The following OIT3 variants were observed in gnomAD, a reference collection of about 807,000 sequenced individuals.
OIT3 encodes oncoprotein induced transcript 3.
Under a neutral mutation model 52.2 loss-of-function variants are expected in OIT3, and 41 were observed. The ratio of observed to expected loss-of-function variants is 0.79; its 90% CI spans 0.61 to 1.02. The LOEUF is 1.02. Ranked by LOEUF, OIT3 falls within the 50% of genes least tolerant of loss-of-function variation. OIT3 has a pLI of 0.00. For synonymous variants in OIT3, 244 were observed against 276.9 expected, an observed-to-expected ratio of 0.88 and a Z score of 1.18; for missense variants, 634 against 715.5, an observed-to-expected ratio of 0.89 and a Z score of 1.30.
intron 6 of OIT3, chr10:72,918,505 G>T: frequency 1.4e-6 from 2 of 1,399,284 alleles, no homozygotes; most frequent in Non-Finnish European, 1.0e-6. Context: ...GCCTCAGGAG[G>T]CTCATGTCCA....
At chr10:72,915,511 T>C (rs1264639505) in intron 6 of OIT3, among the ~76,000 whole-genome samples, 1 of 152,222 alleles carries the variant, frequency 6.6e-6, no homozygotes, top group Non-Finnish European at 1.5e-5. Flanking sequence ...GTTCTGTGTG[T>C]GTTTCTGTTT....
chr10:72,900,294 A>AC (rs1271966429), intron 2 of OIT3, 83 bp from the exon 3 acceptor site: 8 of 421,164 alleles, frequency 1.9e-5, no homozygotes, highest in Non-Finnish European at 2.7e-5. Flanking sequence ...ACCCCCCCCG[A>AC]CCCCCCGCAC....
intron 4 of OIT3, among the ~76,000 whole-genome samples, chr10:72,911,246 T>C (rs1047674275): frequency 6.6e-6 from 1 of 152,156 alleles, no homozygotes; most frequent in African/African-American, 2.4e-5. Flanking sequence ...GTCCTAAATA[T>C]TTGAGGAGAG....
rs375118285 is a variant in OIT3 at position 72,898,912 on chromosome 10, G to T, written c.310G>T (p.Ala104Ser). 5 of 1,614,092 alleles carry T rather than the reference G, an allele frequency of 3.1e-6. No individual in the cohort carries two copies. The highest frequency in any genetic ancestry group is 4.2e-6 in the Non-Finnish European group (5 of 1,180,052). ...LEGDGIVQRQ[A>S]CASFNGNCCL... ...AGGCGACGGCATTGTGCAACGCCAG[G>T]CTTGTGCCAGCTTCAATGGGAACTG... is the stretch of plus-strand genomic sequence containing the variant. The change falls in exon 2 of 9, where the codon GCT (alanine) becomes TCT (serine). Residue 104 changes from alanine (A) to serine (S), a missense_variant. By Grantham distance (99) the Ala-to-Ser change is moderately conservative. Transcript: ENST00000334011.
rs141400923 is a variant in OIT3 at position 72,899,242 on chromosome 10, C to G, written c.436+204C>G. Among the ~76,000 whole-genome samples, 479 of 152,298 alleles carry G rather than the reference C, an allele frequency of 3.1e-3. 3 individuals are homozygous for G. Among genetic ancestry groups the G allele is most frequent in the African/African-American group, 0.011 (454 of 41,550 alleles). On this transcript the variant is annotated intron_variant, in intron 2 of 8. Transcript: ENST00000334011. ...CTGAAGAAATAGAAGGGGAAAGGAG[C>G]TATGACTTTGATCAGTTCTTTTTAA...
At chr10:72,917,438 G>A (rs917199392) in intron 6 of OIT3, among the ~76,000 whole-genome samples, 2 of 152,000 alleles carry the variant, frequency 1.3e-5, no homozygotes, top group Admixed American at 6.6e-5. Flanking sequence ...TTAAACCAAA[G>A]CAAAGGGTGG....
rs1272127679 is a variant in OIT3 at position 72,913,293 on chromosome 10, C to T, written c.791-15C>T. On this transcript the variant is annotated splice_polypyrimidine_tract_variant and intron_variant, in intron 5 of 8. Transcript: ENST00000334011. ...CAGGTTTCCTGGCTCTAACAGTGGC[C>T]CTTTTTCTCTGCAGTCCCTGTGTTG... 9 of 1,562,826 alleles carry T rather than the reference C, an allele frequency of 5.8e-6. No homozygotes were observed. The South Asian group carries it at 1.0e-4, about 18-fold the overall frequency.
At chr10:72,895,724 T>C (rs1037652307) in intron 1 of OIT3, among the ~76,000 whole-genome samples, 4 of 152,160 alleles carry the variant, frequency 2.6e-5, no homozygotes, top group Admixed American at 2.6e-4. Context: ...CATGGTTCCC[T>C]GCCCTTGGCC....
intron 5 of OIT3, among the ~76,000 whole-genome samples, chr10:72,912,560 C>T (rs1005690927): frequency 6.6e-5 from 10 of 152,078 alleles, no homozygotes; most frequent in African/African-American, 1.7e-4. Context: ...CATAAGCCAT[C>T]GCACCTGGCC....
intron 1 of OIT3, 97 bp from the exon 2 acceptor site, chr10:72,898,567 A>G (rs774865331): frequency 4.0e-5 from 48 of 1,195,276 alleles, no homozygotes; most frequent in Non-Finnish European, 5.5e-5. Flanking sequence ...CTGGAATTCA[A>G]AAATGTCCAA....
intron 4 of OIT3, among the ~76,000 whole-genome samples, chr10:72,909,944 C>A (rs1022608110): frequency 1.3e-5 from 2 of 152,116 alleles, no homozygotes; most frequent in Non-Finnish European, 2.9e-5. Context: ...CCGCGCCTGA[C>A]CTGTTTTGTT....
chr10:72,908,161 T>G (rs1845997039), intron 4 of OIT3, among the ~76,000 whole-genome samples: 1 of 152,110 alleles, frequency 6.6e-6, no homozygotes, highest in African/African-American at 2.4e-5. Flanking sequence ...AAGAATCACT[T>G]GAACCTGGGA....
At chr10:72,894,089 A>G (rs1418605440) in intron 1 of OIT3, among the ~76,000 whole-genome samples, 1 of 152,158 alleles carries the variant, frequency 6.6e-6, no homozygotes, top group East Asian at 1.9e-4. Context: ...CATATCCCAC[A>G]GCTTTCACTA....
chr10:72,922,369 G>A (rs541414158), intron 6 of OIT3, among the ~76,000 whole-genome samples: 1 of 152,088 alleles, frequency 6.6e-6, no homozygotes, highest in East Asian at 1.9e-4. Flanking sequence ...CGGAGGTTTT[G>A]TTCATTCCTT....
chr10:72,922,974 C>T (rs1828177666), intron 6 of OIT3, among the ~76,000 whole-genome samples: 1 of 152,174 alleles, frequency 6.6e-6, no homozygotes, highest in Non-Finnish European at 1.5e-5. Context: ...CTCCTGCATT[C>T]AAGTGATTCT....
At chr10:72,929,526 TCAGCCTCCTGA>T (rs1213911721) in intron 7 of OIT3, among the ~76,000 whole-genome samples, 1 of 151,678 alleles carries the variant, frequency 6.6e-6, no homozygotes, top group Non-Finnish European at 1.5e-5. Context: ...TCATCGTGCC[TCAGCCTCCTGA>T]GTAGCTGGGA....
chr10:72,932,371 C>T lies in OIT3; in HGVS notation c.1485C>T (p.Cys495=), dbSNP rs1564598197. Residue 495 remains cysteine (C), a synonymous_variant, in exon 9 of 9, where the codon TGC becomes TGT. Transcript: ENST00000334011. The part of the protein sequence containing the change: ...GKDHKEVFLH[C]RVLVCGVLDE... ...CTCTTCAGGAAGTGTTTCTGCACTG[C>T]CGGGTTCTTGTCTGTGGAGTGTTGG... 1 of 1,614,190 alleles carries T rather than the reference C, an allele frequency of 6.2e-7. No homozygotes were observed. Among genetic ancestry groups the T allele is most frequent in the Non-Finnish European group, 8.5e-7 (1 of 1,180,014 alleles).
Position 72,932,608 on chromosome 10 carries a change from C to A in OIT3, c.*84C>A. On this transcript the variant is annotated 3_prime_UTR_variant, in exon 9 of 9. Transcript: ENST00000334011. ...CCCACCGCCCTCTAAGAACATCTGC[C>A]AACAGCTGGGTTCAGACTTCACACT... The A allele has an allele frequency of 7.7e-7, 1 of 1,292,568 alleles. No homozygotes were observed. Among genetic ancestry groups the A allele is most frequent in the Non-Finnish European group, 1.1e-6 (1 of 941,578 alleles). 80.1% of individuals were successfully genotyped at this position (1,292,568 alleles called of 1,614,324 possible).
At chr10:72,899,296 A>G (rs557197495) in intron 2 of OIT3, among the ~76,000 whole-genome samples, 40 of 152,266 alleles carry the variant, frequency 2.6e-4, no homozygotes, top group Admixed American at 2.3e-3. Context: ...CAAACAAAAC[A>G]TTAGAAAATG....
Sources: gnomAD v4.1 joint callset for allele counts (sites outside exome capture counted in the v4.1 genomes callset) on GRCh38, gnomAD v4.1.1 for gene constraint, MANE v1.5 for transcripts, NCBI Gene and HGNC (gene_info 2026-07-23, HGNC 2026-07-21) for gene names.